The following CCNL2 variants were observed in gnomAD, a reference collection of about 807,000 sequenced individuals.
CCNL2 encodes the protein cyclin-L2.
In CCNL2, 28 loss-of-function variants were observed where a neutral mutation model predicts 59.1. The observed-to-expected ratio is 0.47, with a 90% CI of 0.35 to 0.65. The LOEUF is 0.65. Among genes scored for constraint, CCNL2 ranks in the 30% least tolerant of loss-of-function variants. CCNL2 has a pLI of 0.00. For missense variants in CCNL2, 714 were observed against 717.4 expected (o/e 1.00, Z 0.05); for synonymous variants, 342 against 288.6 (o/e 1.19, Z -1.88).
Position 1,398,337 on chromosome 1 carries a change from C to G in CCNL2, c.369G>C (p.Val123=). 3 of 1,614,070 alleles carry G rather than the reference C, an allele frequency of 1.9e-6. No individual in the cohort carries two copies. The highest frequency in any genetic ancestry group is 2.5e-6 in the Non-Finnish European group (3 of 1,179,990). ...KSFVKHSMEH[V]SMACVHLASK... Reference sequence around the variant, plus strand: ...AAGCCAGGTGGACACAGGCCATTGACACATGCTGAAGCGGAAGCATTGCAA... The same window carrying G: ...AAGCCAGGTGGACACAGGCCATTGAGACATGCTGAAGCGGAAGCATTGCAA... The change falls in exon 3 of 11, where the codon GTG becomes GTC. Residue 123 remains valine (V), a synonymous_variant. Transcript: ENST00000400809.
Position 1,386,544 on chromosome 1 carries a change from G to A in CCNL2, c.*687C>T, listed in dbSNP as rs1557702791. The A allele has an allele frequency of 6.6e-6, 1 of 152,596 alleles. No individual in the cohort carries two copies. Among genetic ancestry groups the A allele is most frequent in the African/African-American group, 2.4e-5 (1 of 41,428 alleles). The allele number at this position is 152,596 out of a possible 1,614,324, so 9.5% of individuals were successfully genotyped here. A position where few individuals can be genotyped will look rare whatever the true frequency, so the allele number is the denominator to read the frequency against. ...ATTCACCATGTCATACGCGCATATAGGGAACCTCTATTTAGGAGCTGGTGG... is the reference window on the plus strand; with the variant it reads ...ATTCACCATGTCATACGCGCATATAAGGAACCTCTATTTAGGAGCTGGTGG... On this transcript the variant is annotated 3_prime_UTR_variant, in exon 11 of 11. Transcript: ENST00000400809.
intron 5 of CCNL2, chr1:1,391,166 C>T: frequency 8.6e-7 from 1 of 1,166,924 alleles, no homozygotes; most frequent in South Asian, 2.6e-5. Flanking sequence ...TTTACTTTTC[C>T]CCTCAACCTT....
At position 1,398,213 on chromosome 1, in the gene CCNL2, G is replaced by C; in HGVS notation, c.473+20C>G. On this transcript the variant is annotated intron_variant, in intron 3 of 10. Transcript: ENST00000400809. ...GAAAATAGGCATCTATGATAGACTA[G>C]ACAGCTCTGACTGACTCACTTTTTG... The C allele has an allele frequency of 1.2e-6, 2 of 1,611,950 alleles. No homozygotes were observed. Among genetic ancestry groups the C allele is most frequent in the Non-Finnish European group, 1.7e-6 (2 of 1,178,062 alleles).
rs371763915 is a variant in CCNL2, at chr1:1,391,060, A to C, written c.660-195T>G. 66 of 1,019,606 alleles carry C rather than the reference A, an allele frequency of 6.5e-5. 1 individual carries two copies. The South Asian group carries it at 1.3e-3, about 20-fold the overall frequency. 63.2% of individuals were successfully genotyped at this position (1,019,606 alleles called of 1,614,324 possible). A position where few individuals can be genotyped will look rare whatever the true frequency, so the allele number is the denominator to read the frequency against. On this transcript the variant is annotated intron_variant, in intron 5 of 10. Coordinates refer to ENST00000400809, the MANE Select transcript of CCNL2 (RefSeq NM_030937.6). ...CTAGCTGCTTTTTCTAAATACAGTA[A>C]ATACAGGACAGAAAGGCACAGAAAT...
At chr1:1,398,374 T>G (rs1645166666) in intron 2 of CCNL2, 32 bp from the exon 3 acceptor site, 1 of 1,613,452 alleles carries the variant, frequency 6.2e-7, no homozygotes, top group African/African-American at 1.3e-5. Flanking sequence ...ACGCCCATGT[T>G]TGTCCCCAGC....
Position 1,390,284 on chromosome 1 carries a change from C to G in CCNL2, c.952G>C (p.Gly318Arg), listed in dbSNP as rs759253906. 6.2e-7 allele frequency: 1 copy of G among 1,613,902 alleles called. No individual in the cohort carries two copies. Among genetic ancestry groups the G allele is most frequent in the Non-Finnish European group, 8.5e-7 (1 of 1,179,828 alleles). The change falls in exon 8 of 11, where the codon GGG becomes CGG. Residue 318 changes from glycine (G) to arginine (R), a missense_variant. Coordinates refer to ENST00000400809, the MANE Select transcript of CCNL2 (RefSeq NM_030937.6). ...AKAQARGLLP[G>R]GTQVLDGTSG... ...GTACCATCCAGCACCTGTGTGCCCC[C>G]AGGCAACAGGCCCCGGGCTTGGGCC... is the stretch of plus-strand genomic sequence containing the variant.
intron 5 of CCNL2, chr1:1,391,449 G>A: frequency 8.1e-7 from 1 of 1,240,572 alleles, no homozygotes. Context: ...CTTGGAAGAG[G>A]GAAAAGCCCC....
intron 5 of CCNL2, chr1:1,391,779 C>CT (rs1271477575): frequency 5.9e-6 from 2 of 337,594 alleles, no homozygotes; most frequent in Non-Finnish European, 1.2e-5. Flanking sequence ...CTTTAGATCT[C>CT]TAAGATTTAA....
intron 8 of CCNL2, 41 bp from the exon 9 acceptor site, chr1:1,388,106 C>G: frequency 6.7e-7 from 1 of 1,503,132 alleles, no homozygotes. Flanking sequence ...CCACAAAACA[C>G]TCTCCCAATA....
chr1:1,386,989 G>T lies in CCNL2; in HGVS notation c.*242C>A. On this transcript the variant is annotated 3_prime_UTR_variant, in exon 11 of 11. Coordinates refer to ENST00000400809, the MANE Select transcript of CCNL2 (RefSeq NM_030937.6). The stretch of plus-strand genomic sequence containing the variant: ...CAGAGCTGCTGCCGAGCTGAGCCCT[G>T]CACGGGCCCAGGTGTGCGCCGCACC... 2.2e-6 allele frequency: 1 copy of T among 460,738 alleles called. No individual in the cohort carries two copies. The highest frequency in any genetic ancestry group is 3.8e-6 in the Non-Finnish European group (1 of 260,320). 28.5% of individuals were successfully genotyped at this position (460,738 alleles called of 1,614,324 possible). A position where few individuals can be genotyped will look rare whatever the true frequency, so the allele number is the denominator to read the frequency against.
chr1:1,393,612 G>T, intron 4 of CCNL2, 152 bp from the exon 5 acceptor site: 1 of 683,034 alleles, frequency 1.5e-6, no homozygotes, highest in Non-Finnish European at 2.6e-6. Context: ...GCTGGAGGGA[G>T]CTTTGCGATT....
At chr1:1,393,116 C>T (rs952301462) in intron 5 of CCNL2, 5 of 585,162 alleles carry the variant, frequency 8.5e-6, no homozygotes, top group Middle Eastern at 4.5e-4. Flanking sequence ...TCCCCCTGCG[C>T]CAAGTCAACA....
intron 10 of CCNL2, 52 bp from the exon 11 acceptor site, chr1:1,387,634 C>A (rs544866839): frequency 1.4e-6 from 2 of 1,418,908 alleles, no homozygotes; most frequent in Admixed American, 4.7e-5. Context: ...CCCGGCCAGG[C>A]CCCACACACC....
intron 2 of CCNL2, 35 bp downstream of exon 2, chr1:1,398,562 C>T (rs899484497): frequency 2.5e-6 from 4 of 1,606,392 alleles, no homozygotes; most frequent in Non-Finnish European, 3.4e-6. Context: ...CCTCAACATA[C>T]TTCGCTGGGA....
In CCNL2 at chr1:1,399,108, T is replaced by C. The variant is rs1349473962; in HGVS notation, c.199A>G (p.Ser67Gly). The C allele has an allele frequency of 6.2e-7, 1 of 1,611,598 alleles. No individual in the cohort carries two copies. The highest frequency in any genetic ancestry group is 8.5e-7 in the Non-Finnish European group (1 of 1,179,348). The change falls in exon 1 of 11, where the codon AGC becomes GGC. Residue 67 changes from serine to glycine, a missense_variant. Ser to Gly is a moderately conservative substitution (Grantham distance 56). Around this residue, in one of 5 missense-constraint regions of CCNL2, gnomAD observed 270 missense variants for 254.9 expected, o/e 1.06. Transcript: ENST00000400809. ...DKLRFTPSMS[S>G]GLDTDTETDL... ...GTCTCTGTGTCGGTGTCGAGGCCGCTCGACATGGACGGCGTGAAACGGAGC... is the reference window on the plus strand; with the variant it reads ...GTCTCTGTGTCGGTGTCGAGGCCGCCCGACATGGACGGCGTGAAACGGAGC...
At chr1:1,394,515 C>T (rs111635400) in intron 4 of CCNL2, among the ~76,000 whole-genome samples, 3,159 of 152,046 alleles carry the variant, frequency 0.021, 79 homozygotes, top group African/African-American at 0.056. Context: ...TTTGGGAGGC[C>T]GAGGCAGGTG....
At chr1:1,398,929 C>G (rs1645210181) in intron 1 of CCNL2, 90 bp downstream of exon 1, 3 of 1,458,918 alleles carry the variant, frequency 2.1e-6, no homozygotes, top group Non-Finnish European at 2.7e-6. Context: ...GGGGTCTAGG[C>G]GGGGGCGGTG....
Position 1,390,233 on chromosome 1 carries a change from G to A in CCNL2, c.1003C>T (p.Leu335=). 1.2e-6 allele frequency: 2 copies of A among 1,606,528 alleles called. No individual in the cohort carries two copies. Among genetic ancestry groups the A allele is most frequent in the South Asian group, 2.2e-5 (2 of 90,816 alleles). Residue 335 remains leucine (L), a synonymous_variant, in exon 8 of 11, where the codon CTG becomes TTG. Coordinates refer to ENST00000400809, the MANE Select transcript of CCNL2 (RefSeq NM_030937.6). ...GTSGFSPAPK[L]VESPKEGKGS... ...TCCTGCACTCTAACAGACTCACCCA[G>A]CTTGGGGGCAGGAGAGAACCCCGAG...
At chr1:1,392,180 C>A (rs1266505015) in intron 5 of CCNL2, 4 of 406,042 alleles carry the variant, frequency 9.9e-6, no homozygotes, top group Non-Finnish European at 1.3e-5. Flanking sequence ...AACACAGATA[C>A]ATTCAACAAT....
Sources: gnomAD v4.1 joint callset for allele counts (sites outside exome capture counted in the v4.1 genomes callset) on GRCh38, gnomAD v4.1.1 for gene constraint, gnomAD v4.1.1 regional missense constraint, MANE v1.5 for transcripts, NCBI Gene and HGNC (gene_info 2026-07-23, HGNC 2026-07-21) for gene names.